The following ROBO2 variants were observed in gnomAD, a reference collection of about 807,000 sequenced individuals.
The protein encoded by ROBO2 is roundabout homolog 2.
ROBO2 carries 53 observed loss-of-function variants against 160.8 expected under a neutral mutation model. The ratio of observed to expected loss-of-function variants is 0.33; its 90% CI spans 0.26 to 0.41. ROBO2 has a LOEUF of 0.41. Ranked by LOEUF, ROBO2 falls within the 10% of genes least tolerant of loss-of-function variation. The pLI is 1.00. For synonymous variants in ROBO2, 664 were observed against 611.7 expected (o/e 1.09, Z -1.26); for missense variants, 1,577 against 1,722.4 (o/e 0.92, Z 1.49).
At chr3:76,738,551 C>T (rs1334666408) in intron 2 of ROBO2, among the ~76,000 whole-genome samples, 1 of 152,090 alleles carries the variant, frequency 6.6e-6, no homozygotes, top group Non-Finnish European at 1.5e-5. Context: ...GAGAAAAAGG[C>T]CTATGAGTAA....
At chr3:76,646,328 A>G (rs111542477) in intron 2 of ROBO2, among the ~76,000 whole-genome samples, 207 of 152,274 alleles carry the variant, frequency 1.4e-3, no homozygotes, top group African/African-American at 4.6e-3. Context: ...GCCGAAAAGA[A>G]GGTTACTGAG....
chr3:76,426,962 A>C (rs1487879992), intron 2 of ROBO2, among the ~76,000 whole-genome samples: 3 of 152,122 alleles, frequency 2.0e-5, no homozygotes, highest in Non-Finnish European at 4.4e-5. Context: ...AGACTCCATA[A>C]AGAAGACATA....
intron 2 of ROBO2, among the ~76,000 whole-genome samples, chr3:77,220,752 T>G (rs981248735): frequency 2.0e-5 from 3 of 152,094 alleles, no homozygotes; most frequent in Admixed American, 6.5e-5. Flanking sequence ...GAAGAGAGAT[T>G]AGTATCTCTT....
At chr3:77,581,992 A>G (rs924676783) in intron 16 of ROBO2, among the ~76,000 whole-genome samples, 1 of 152,102 alleles carries the variant, frequency 6.6e-6, no homozygotes, top group Non-Finnish European at 1.5e-5. Context: ...TTAAATGGCT[A>G]CGTTTATTTT....
At chr3:77,064,598 T>C (rs917515658) in intron 1 of ROBO2, among the ~76,000 whole-genome samples, 14 of 133,034 alleles carry the variant, frequency 1.1e-4, no homozygotes, top group African/African-American at 3.1e-4. Flanking sequence ...TGACCTCAAA[T>C]GATCTACACT....
chr3:76,949,379 T>C (rs906160114), intron 2 of ROBO2, among the ~76,000 whole-genome samples: 1 of 152,180 alleles, frequency 6.6e-6, no homozygotes, highest in African/African-American at 2.4e-5. Context: ...TTTAGATTTA[T>C]TTATCTTCTT....
rs533957832 is a variant in ROBO2 at position 76,211,788 on chromosome 3, C to G, written c.109+274186C>G. The stretch of plus-strand genomic sequence containing the variant: ...AATGATGGATAAAAGATGAATTAGT[C>G]AGCTGTTGATATAAATTCAAAATTA... On this transcript the variant is annotated intron_variant, in intron 2 of 26. Coordinates refer to the ROBO2 transcript ENST00000487694. Among the ~76,000 whole-genome samples the G allele has an allele frequency of 9.9e-5, 15 of 152,010 alleles. No homozygotes were observed. The South Asian group carries it at 2.7e-3, about 27-fold the overall frequency.
chr3:76,407,249 C>G (rs925589487), intron 2 of ROBO2, among the ~76,000 whole-genome samples: 55 of 151,918 alleles, frequency 3.6e-4, no homozygotes, highest in African/African-American at 1.2e-3. Context: ...CTAAAGTAGT[C>G]TTCCATTTGC....
intron 2 of ROBO2, among the ~76,000 whole-genome samples, chr3:76,569,764 T>C (rs11920212): frequency 0.41 from 63,022 of 151,910 alleles, 13,276 homozygotes; most frequent in East Asian, 0.49. Flanking sequence ...AGCCACCCCA[T>C]TCTGCGAACA....
At chr3:77,175,339 G>T (rs1216343692) in intron 2 of ROBO2, among the ~76,000 whole-genome samples, 1 of 151,910 alleles carries the variant, frequency 6.6e-6, no homozygotes, top group Non-Finnish European at 1.5e-5. Context: ...TGGGTTTTTG[G>T]GTTTTTTCGG....
chr3:77,598,673 T>C (rs1285444784), intron 19 of ROBO2, among the ~76,000 whole-genome samples: 1 of 151,892 alleles, frequency 6.6e-6, no homozygotes, highest in Non-Finnish European at 1.5e-5. Context: ...GGACTCTCAC[T>C]TGCCCAGATA....
At chr3:76,136,549 G>A (rs1170135958) in intron 2 of ROBO2, among the ~76,000 whole-genome samples, 1 of 151,982 alleles carries the variant, frequency 6.6e-6, no homozygotes, top group East Asian at 1.9e-4. Context: ...CCAACAGAGT[G>A]GGGTATAATA....
At chr3:77,335,315 G>C (rs1441948) in intron 2 of ROBO2, among the ~76,000 whole-genome samples, 1 of 151,896 alleles carries the variant, frequency 6.6e-6, no homozygotes. Flanking sequence ...GCTGAGGCAC[G>C]AGAATCGCTT....
At position 77,126,779 on chromosome 3, in the gene ROBO2, CTTCT is replaced by C. The variant is rs1171967040; in HGVS notation, c.388+28442_388+28445del. On this transcript the variant is annotated intron_variant, in intron 2 of 25. Transcript: ENST00000461745. ...ATTTCATGTATATTTGATTTTGAAA[CTTCT>C]TTTTTTTTTTTTTTTTTTTTTTTGA... Among the ~76,000 whole-genome samples the C allele has an allele frequency of 1.8e-4, 22 of 119,862 alleles. 1 individual carries two copies. The highest frequency in any genetic ancestry group is 8.4e-4 in the East Asian group (3 of 3,558). The allele number at this position is 119,862 out of a possible 152,430, so 78.6% of individuals were successfully genotyped here. A position where few individuals can be genotyped will look rare whatever the true frequency, so the allele number is the denominator to read the frequency against.
chr3:76,545,354 C>G (rs775302809), intron 2 of ROBO2, among the ~76,000 whole-genome samples: 1 of 152,026 alleles, frequency 6.6e-6, no homozygotes, highest in Middle Eastern at 3.4e-3. Context: ...CATTGCATAC[C>G]TACTGTCGGT....
chr3:77,527,033 A>G (rs559985965), intron 6 of ROBO2, among the ~76,000 whole-genome samples: 8 of 151,574 alleles, frequency 5.3e-5, no homozygotes, highest in African/African-American at 1.7e-4. Context: ...TTTTATTGAC[A>G]TGACATTTGC....
chr3:77,548,887 TCTC>T (rs1481438806), intron 7 of ROBO2, among the ~76,000 whole-genome samples: 1 of 151,888 alleles, frequency 6.6e-6, no homozygotes, highest in Non-Finnish European at 1.5e-5. Context: ...AATTATAAAT[TCTC>T]AAATCATGAA....
chr3:77,294,869 G>A (rs1337088860), intron 2 of ROBO2, among the ~76,000 whole-genome samples: 2 of 149,798 alleles, frequency 1.3e-5, no homozygotes, highest in African/African-American at 2.5e-5. Flanking sequence ...GAACAGTAAA[G>A]ACATAAAGTA....
intron 1 of ROBO2, among the ~76,000 whole-genome samples, chr3:77,042,796 A>G (rs530924929): frequency 6.6e-6 from 1 of 151,974 alleles, no homozygotes; most frequent in South Asian, 2.1e-4. Context: ...AAGACAACCT[A>G]GAACCTTTGT....
Sources: gnomAD v4.1 joint callset for allele counts (sites outside exome capture counted in the v4.1 genomes callset) on GRCh38, gnomAD v4.1.1 for gene constraint, MANE v1.5 for transcripts, NCBI Gene and HGNC (gene_info 2026-07-23, HGNC 2026-07-21) for gene names.